ERAP1: variants seen among roughly 807,000 people sequenced by gnomAD.
ERAP1 encodes endoplasmic reticulum aminopeptidase 1.
A neutral mutation model predicts 103.7 loss-of-function variants in ERAP1; 86 were observed. The observed-to-expected ratio is 0.83, with a 90% CI of 0.70 to 0.99. The LOEUF (loss-of-function observed/expected upper bound fraction) is 0.99, where lower values mean the gene tolerates loss of function less well. Among genes scored for constraint, ERAP1 ranks in the 50% least tolerant of loss-of-function variants. The probability of loss-of-function intolerance (pLI) is 0.00; values close to 1 mark genes in which losing one functional copy is unlikely to be tolerated. For synonymous variants in ERAP1, 398 were observed against 402.4 expected (o/e 0.99, Z 0.13); for missense variants, 1,009 against 1,128.4 (o/e 0.89, Z 1.52).
Position 96,788,527 on chromosome 5 carries a change from T to C in ERAP1, c.1679+4A>G, listed in dbSNP as rs1776357923. The C allele has an allele frequency of 6.2e-7, 1 of 1,613,948 alleles. No homozygotes were observed. Among genetic ancestry groups the C allele is most frequent in the Non-Finnish European group, 8.5e-7 (1 of 1,180,018 alleles). On this transcript the variant is annotated splice_donor_region_variant and intron_variant, in intron 11 of 18. Coordinates refer to ENST00000443439, the MANE Select transcript of ERAP1 (RefSeq NM_001040458.3). ...CAAAACAAATTTTACTCTAGGAGCA[T>C]TACCCAGTGTCCGGGGCGCCGTCAG...
the ERAP1 span, among the ~76,000 whole-genome samples, chr5:96,870,280 T>C: frequency 6.6e-6 from 1 of 152,180 alleles, no homozygotes; most frequent in African/African-American, 2.4e-5. Flanking sequence ...ACAACCACTC[T>C]TGTGACTCTG....
intron 10 of ERAP1, 86 bp from the exon 11 acceptor site, chr5:96,788,771 C>T (rs558902552): frequency 4.2e-5 from 65 of 1,535,952 alleles, no homozygotes; most frequent in East Asian, 2.6e-4. Flanking sequence ...CTCAAACAGC[C>T]GCTACCAGTT....
chr5:96,820,026 A>T, the ERAP1 span, among the ~76,000 whole-genome samples: 2 of 152,360 alleles, frequency 1.3e-5, no homozygotes, highest in South Asian at 4.1e-4. Flanking sequence ...CCAATGACTC[A>T]GAATCCACAT....
At chr5:96,854,215 A>G in the ERAP1 span, among the ~76,000 whole-genome samples, 1 of 152,212 alleles carries the variant, frequency 6.6e-6, no homozygotes, top group African/African-American at 2.4e-5. Flanking sequence ...ATGAGAATCA[A>G]ATGAGATGAT....
At chr5:96,764,657 C>T (rs1185593956) in intron 19 of ERAP1, among the ~76,000 whole-genome samples, 1 of 152,120 alleles carries the variant, frequency 6.6e-6, no homozygotes, top group Non-Finnish European at 1.5e-5. Context: ...CCATGGCTTC[C>T]CACAAACTGC....
the ERAP1 span, among the ~76,000 whole-genome samples, chr5:96,922,475 A>C: frequency 1.1e-4 from 16 of 152,282 alleles, no homozygotes; most frequent in Non-Finnish European, 1.8e-4. Flanking sequence ...GCTGGCATAT[A>C]ATTTTATTTT....
the ERAP1 span, chr5:96,934,521 C>A: frequency 6.6e-6 from 1 of 152,150 alleles, no homozygotes; most frequent in South Asian, 2.1e-4. Flanking sequence ...CTGATGAGGT[C>A]CCAGAGTTAG....
intron 6 of ERAP1, 138 bp downstream of exon 6, chr5:96,793,665 T>TA (rs1776985659): frequency 9.1e-7 from 1 of 1,104,456 alleles, no homozygotes. Flanking sequence ...TTATAAGACA[T>TA]AAAAACGAAT....
At chr5:96,896,965 T>TGTTGGGTAACGATAGACTG in the ERAP1 span, 6 of 987,684 alleles carry the variant, frequency 6.1e-6, no homozygotes, top group Non-Finnish European at 8.3e-6. Flanking sequence ...GTCAACCATA[T>TGTTGGGTAACGATAGACTG]TTATTCTGCT....
At chr5:96,894,679 A>G in the ERAP1 span, among the ~76,000 whole-genome samples, 1 of 152,200 alleles carries the variant, frequency 6.6e-6, no homozygotes, top group African/African-American at 2.4e-5. Flanking sequence ...TTAGACCTTT[A>G]TTGTTTCTAG....
the ERAP1 span, among the ~76,000 whole-genome samples, chr5:96,901,146 G>T: frequency 6.6e-6 from 1 of 151,770 alleles, no homozygotes; most frequent in East Asian, 1.9e-4. Flanking sequence ...CACCCCTCCT[G>T]GATTCTACTG....
the ERAP1 span, among the ~76,000 whole-genome samples, chr5:96,854,693 T>G: frequency 6.6e-6 from 1 of 152,154 alleles, no homozygotes; most frequent in African/African-American, 2.4e-5. Flanking sequence ...AATAAGAAAT[T>G]ATGCTATTAT....
the ERAP1 span, chr5:96,900,055 C>G: frequency 6.3e-7 from 1 of 1,576,622 alleles, no homozygotes; most frequent in Non-Finnish European, 8.7e-7. Context: ...GCATCCATGG[C>G]TAATGTGCAC....
chr5:96,876,078 C>G, the ERAP1 span: 1 of 152,414 alleles, frequency 6.6e-6, no homozygotes, highest in Non-Finnish European at 1.5e-5. Context: ...AGAAGCTGCC[C>G]GGGAGGTGTT....
the ERAP1 span, among the ~76,000 whole-genome samples, chr5:96,867,301 T>C: frequency 6.6e-6 from 1 of 151,940 alleles, no homozygotes; most frequent in Non-Finnish European, 1.5e-5. Flanking sequence ...ACCACCGTGC[T>C]GGGCTTCTCC....
chr5:96,784,451 C>G (rs1045101604), intron 13 of ERAP1, among the ~76,000 whole-genome samples: 1 of 151,986 alleles, frequency 6.6e-6, no homozygotes, highest in African/African-American at 2.4e-5. Context: ...CCACTGCACT[C>G]CAGCCTGGGC....
chr5:96,854,230 C>T, the ERAP1 span, among the ~76,000 whole-genome samples: 17 of 152,284 alleles, frequency 1.1e-4, no homozygotes, highest in African/African-American at 3.8e-4. Flanking sequence ...GATGATCATG[C>T]AAAGACACCA....
chr5:96,872,741 G>T, the ERAP1 span, among the ~76,000 whole-genome samples: 1 of 152,144 alleles, frequency 6.6e-6, no homozygotes, highest in African/African-American at 2.4e-5. Context: ...GTATCATTGT[G>T]TCTAATTTGG....
chr5:96,899,336 T>C, the ERAP1 span, among the ~76,000 whole-genome samples: 1 of 152,316 alleles, frequency 6.6e-6, no homozygotes, highest in South Asian at 2.1e-4. Context: ...ACCAACTCTC[T>C]TCTGACACCA....
Sources: allele counts gnomAD v4.1 joint callset (sites outside exome capture counted in the v4.1 genomes callset), GRCh38; gene constraint gnomAD v4.1.1; transcripts MANE v1.5; gene names NCBI Gene and HGNC (gene_info 2026-07-23, HGNC 2026-07-21).